GDAP1: variants seen among roughly 807,000 people sequenced by gnomAD.
The protein encoded by GDAP1 is ganglioside induced differentiation associated protein 1, also known as ganglioside-induced differentiation-associated protein 1.
Under a neutral mutation model 40.1 loss-of-function variants are expected in GDAP1, and 34 were observed. The ratio of observed to expected loss-of-function variants is 0.85; its 90% CI spans 0.64 to 1.13. GDAP1 has a LOEUF of 1.13. Ranked by LOEUF, GDAP1 falls within the 50% of genes most tolerant of loss-of-function variation. The pLI is 0.00. For synonymous variants in GDAP1, 170 were observed against 157.4 expected (o/e 1.08, Z -0.60); for missense variants, 374 against 433.7 (o/e 0.86, Z 1.22).
chr8:74,396,152 T>C (rs1810195321), intron 2 of GDAP1, among the ~76,000 whole-genome samples: 2 of 152,232 alleles, frequency 1.3e-5, no homozygotes, highest in South Asian at 4.1e-4. Flanking sequence ...CATTATAATT[T>C]TTTGGGAACT....
intron 2 of GDAP1, among the ~76,000 whole-genome samples, chr8:74,405,604 C>T (rs531059110): frequency 2.7e-5 from 4 of 150,002 alleles, no homozygotes; most frequent in Non-Finnish European, 4.4e-5. Flanking sequence ...TTCATATCTT[C>T]GTTTTTGTAC....
intron 2 of GDAP1, among the ~76,000 whole-genome samples, chr8:74,400,807 T>C (rs1290081805): frequency 2.0e-5 from 3 of 149,278 alleles, no homozygotes; most frequent in Admixed American, 2.0e-4. Flanking sequence ...CTCCTTCACT[T>C]ATGAAGCTTA....
chr8:74,468,473 C>G (rs1280568886), intron 2 of GDAP1, among the ~76,000 whole-genome samples: 1 of 112,996 alleles, frequency 8.8e-6, no homozygotes, highest in Non-Finnish European at 1.8e-5. Flanking sequence ...ATGTAAATGA[C>G]CCCATACACA....
At chr8:74,397,932 T>C (rs1159388362) in intron 2 of GDAP1, among the ~76,000 whole-genome samples, 7 of 151,956 alleles carry the variant, frequency 4.6e-5, no homozygotes, top group Non-Finnish European at 8.8e-5. Flanking sequence ...ATTGAATCTA[T>C]AAATTACCTT....
At chr8:74,480,174 G>C (rs1806692878) in intron 2 of GDAP1, among the ~76,000 whole-genome samples, 1 of 151,928 alleles carries the variant, frequency 6.6e-6, no homozygotes, top group Non-Finnish European at 1.5e-5. Context: ...ATTTTTGGTA[G>C]AGATGGAGTT....
chr8:74,366,782 AT>A lies in GDAP1; in HGVS notation c.*2420del. 1 of 453,898 alleles carries A rather than the reference AT, an allele frequency of 2.2e-6. No individual in the cohort carries two copies. Among genetic ancestry groups the A allele is most frequent in the Non-Finnish European group, 4.4e-6 (1 of 226,688 alleles). The allele number at this position is 453,898 out of a possible 1,614,324, so 28.1% of individuals were successfully genotyped here. On this transcript the variant is annotated 3_prime_UTR_variant, in exon 6 of 6. Transcript: ENST00000220822. The stretch of plus-strand genomic sequence containing the variant: ...ATTGCTGTTGACACCAGCGTTGTAG[AT>A]TTTTGGTGTTGTTGAATGCAGTAGA...
chr8:74,397,806 T>C (rs1200246121), intron 2 of GDAP1, among the ~76,000 whole-genome samples: 1 of 152,134 alleles, frequency 6.6e-6, no homozygotes. Context: ...TCCAGCTTTG[T>C]TCTTTTGGCT....
At chr8:74,466,892 G>A (rs140421771) in intron 2 of GDAP1, among the ~76,000 whole-genome samples, 40 of 152,264 alleles carry the variant, frequency 2.6e-4, no homozygotes, top group African/African-American at 8.9e-4. Flanking sequence ...GCAGATTTAT[G>A]CACTGCTGGG....
intron 2 of GDAP1, among the ~76,000 whole-genome samples, chr8:74,448,271 A>G (rs553129648): frequency 6.6e-6 from 1 of 151,788 alleles, no homozygotes; most frequent in Admixed American, 6.6e-5. Context: ...ATGTCTTTTC[A>G]TTTGCTCCAC....
chr8:74,351,529 C>A, intron 2 of GDAP1, 63 bp downstream of exon 2: 1 of 1,124,230 alleles, frequency 8.9e-7, no homozygotes, highest in Non-Finnish European at 1.4e-6. Context: ...TGTTCCCTTT[C>A]TCTTTTTCTC....
intron 2 of GDAP1, among the ~76,000 whole-genome samples, chr8:74,390,115 T>C (rs1351150832): frequency 6.6e-6 from 1 of 152,200 alleles, no homozygotes; most frequent in African/African-American, 2.4e-5. Flanking sequence ...CTCCTTGCAT[T>C]GGGTTAGAAC....
chr8:74,420,010 T>C (rs1037630672), intron 2 of GDAP1, among the ~76,000 whole-genome samples: 1 of 152,196 alleles, frequency 6.6e-6, no homozygotes, highest in African/African-American at 2.4e-5. Flanking sequence ...ATTCCATTGG[T>C]CTCTATGTTT....
At chr8:74,419,438 A>G (rs1319501008) in intron 2 of GDAP1, among the ~76,000 whole-genome samples, 1 of 152,190 alleles carries the variant, frequency 6.6e-6, no homozygotes, top group East Asian at 1.9e-4. Flanking sequence ...CATTCCATTT[A>G]TATTACATTC....
intron 2 of GDAP1, among the ~76,000 whole-genome samples, chr8:74,374,936 A>T (rs541591638): frequency 1.3e-5 from 2 of 152,362 alleles, no homozygotes; most frequent in African/African-American, 4.8e-5. Flanking sequence ...AATAATGCCA[A>T]CTGTACATAA....
intron 2 of GDAP1, among the ~76,000 whole-genome samples, chr8:74,475,910 G>T (rs1806623263): frequency 6.6e-6 from 1 of 152,112 alleles, no homozygotes; most frequent in African/African-American, 2.4e-5. Context: ...TATTGTGTGG[G>T]AGTCTAAGTC....
At chr8:74,369,022 C>T (rs576496573), downstream of GDAP1, among the ~76,000 whole-genome samples, 18 of 152,238 alleles carry the variant, frequency 1.2e-4, no homozygotes, top group South Asian at 1.5e-3. Flanking sequence ...GCAAGGGAGA[C>T]GTATTCTGGA....
intron 5 of GDAP1, 51 bp from the exon 6 acceptor site, chr8:74,363,934 C>T (rs750628469): frequency 1.7e-5 from 26 of 1,534,084 alleles, no homozygotes; most frequent in South Asian, 2.2e-5. Flanking sequence ...CAGCTGGAGT[C>T]TGTCTGTAGA....
At position 74,366,087 on chromosome 8, in the gene GDAP1, A is replaced by G. The variant is rs747344648; in HGVS notation, c.*1720A>G. On this transcript the variant is annotated 3_prime_UTR_variant, in exon 6 of 6. Transcript: ENST00000220822. ...TACCTATGAAAAAGTTGTTAAGAATAAAAATTAGAAGTCCATGGTTAACTT... is the reference window on the plus strand; with the variant it reads ...TACCTATGAAAAAGTTGTTAAGAATGAAAATTAGAAGTCCATGGTTAACTT... 4.6e-6 allele frequency: 2 copies of G among 439,168 alleles called. No individual in the cohort carries two copies. Among genetic ancestry groups the G allele is most frequent in the South Asian group, 3.3e-5 (2 of 60,160 alleles). 27.2% of individuals were successfully genotyped at this position (439,168 alleles called of 1,614,324 possible). A position where few individuals can be genotyped will look rare whatever the true frequency, so the allele number is the denominator to read the frequency against.
chr8:74,431,295 A>G (rs1806021624), intron 2 of GDAP1, among the ~76,000 whole-genome samples: 1 of 152,008 alleles, frequency 6.6e-6, no homozygotes, highest in Non-Finnish European at 1.5e-5. Flanking sequence ...TCTTATTAAA[A>G]TGAGATATAT....
Sources: allele counts gnomAD v4.1 joint callset (sites outside exome capture counted in the v4.1 genomes callset), GRCh38; gene constraint gnomAD v4.1.1; transcripts MANE v1.5; gene names NCBI Gene and HGNC (gene_info 2026-07-23, HGNC 2026-07-21).